Variants in XPO7 observed in about 807,000 individuals in gnomAD.
XPO7 encodes the protein exportin-7.
XPO7 carries 21 observed loss-of-function variants against 144.3 expected under a neutral mutation model. The ratio of observed to expected loss-of-function variants is 0.15; its 90% CI spans 0.10 to 0.21. The LOEUF (loss-of-function observed/expected upper bound fraction) is 0.21. XPO7 is among the 10% of genes least tolerant of loss of function. The pLI, the probability that XPO7 is intolerant of heterozygous loss-of-function variation, is 1.00. For missense variants in XPO7, 808 were observed against 1,325.8 expected, an observed-to-expected ratio of 0.61 and a Z score of 6.06; for synonymous variants, 580 against 499.6, an observed-to-expected ratio of 1.16 and a Z score of -2.15.
chr8:21,924,120 G>A (rs1358584756), intron 1 of XPO7, among the ~76,000 whole-genome samples: 1 of 152,086 alleles, frequency 6.6e-6, no homozygotes, highest in Non-Finnish European at 1.5e-5. Flanking sequence ...ACACACAGCG[G>A]GCCTGGTCAG....
chr8:21,959,292 A>G (rs1403055999), intron 1 of XPO7, among the ~76,000 whole-genome samples: 1 of 152,230 alleles, frequency 6.6e-6, no homozygotes, highest in Non-Finnish European at 1.5e-5. Flanking sequence ...GCTATTCTCC[A>G]GAGTTTTTGG....
chr8:21,921,726 T>C (rs1810294984), intron 1 of XPO7: 1 of 152,244 alleles, frequency 6.6e-6, no homozygotes, highest in South Asian at 2.1e-4. Flanking sequence ...GGGAGCATGT[T>C]GATCAGTGTT....
At chr8:21,952,369 T>G (rs1811401104) in intron 1 of XPO7, among the ~76,000 whole-genome samples, 1 of 152,094 alleles carries the variant, frequency 6.6e-6, no homozygotes, top group Non-Finnish European at 1.5e-5. Context: ...AGAGAAAATG[T>G]TTTCAACTGT....
intron 24 of XPO7, among the ~76,000 whole-genome samples, chr8:22,000,052 T>C (rs1813087113): frequency 6.6e-6 from 1 of 152,144 alleles, no homozygotes; most frequent in Non-Finnish European, 1.5e-5. Context: ...CCTAGACTCT[T>C]GGTTGTGAGG....
Position 21,989,028 on chromosome 8 carries a change from C to T in XPO7, c.1813C>T (p.Arg605Cys), listed in dbSNP as rs773235175. ...CATCACCAACTTGAAGTACTGGGGC[C>T]GTTGTGAACCAATCACCTCCAAGAC... Reference protein sequence around the residue: ...KIITNLKYWGRCEPITSKTLQ... With the variant: ...KIITNLKYWGCCEPITSKTLQ... Residue 605 changes from arginine (R) to cysteine (C), a missense_variant, in exon 16 of 28, where the codon CGT becomes TGT. Physicochemically the swap from Arg to Cys is radical, Grantham distance 180. Around this residue, in one of 5 missense-constraint regions of XPO7, gnomAD observed 416 missense variants for 612.5 expected, o/e 0.68. Coordinates refer to ENST00000252512, the MANE Select transcript of XPO7 (RefSeq NM_015024.5). 2.5e-6 allele frequency: 4 copies of T among 1,613,614 alleles called. No individual in the cohort carries two copies. The highest frequency in any genetic ancestry group is 2.7e-5 in the African/African-American group (2 of 74,968).
intron 19 of XPO7, among the ~76,000 whole-genome samples, chr8:21,994,034 T>C (rs1202210578): frequency 2.0e-5 from 3 of 151,068 alleles, no homozygotes; most frequent in African/African-American, 7.3e-5. Context: ...ACATGTGATG[T>C]ATTACTTCAA....
chr8:21,972,797 C>G (rs1812109797), intron 5 of XPO7, among the ~76,000 whole-genome samples: 1 of 152,158 alleles, frequency 6.6e-6, no homozygotes, highest in Non-Finnish European at 1.5e-5. Flanking sequence ...GCTCATAATT[C>G]TGCAGACATT....
Position 21,995,532 on chromosome 8 carries a change from C to T in XPO7, c.2278C>T (p.Leu760Phe), listed in dbSNP as rs1158437045. The part of the protein sequence containing the change: ...YMPILQRAIE[L>F]WYHDPACTTP... ...GCCAATTCTCCAACGGGCAATTGAG[C>T]TCTGGTACCATGATCCAGCCTGTAC... Residue 760 changes from leucine to phenylalanine, a missense_variant, in exon 21 of 28, where the codon CTC (leucine) becomes TTC (phenylalanine). Physicochemically the swap from Leu to Phe is conservative, Grantham distance 22. Around this residue, in one of 5 missense-constraint regions of XPO7, gnomAD observed 416 missense variants for 612.5 expected, o/e 0.68. Coordinates refer to ENST00000252512, the MANE Select transcript of XPO7 (RefSeq NM_015024.5). The T allele has an allele frequency of 6.2e-7, 1 of 1,610,388 alleles. No homozygotes were observed. The highest frequency in any genetic ancestry group is 8.5e-7 in the Non-Finnish European group (1 of 1,178,230).
chr8:21,943,413 A>C (rs1811058416), intron 1 of XPO7, among the ~76,000 whole-genome samples: 1 of 152,168 alleles, frequency 6.6e-6, no homozygotes, highest in African/African-American at 2.4e-5. Context: ...AAAATATTCT[A>C]ATTCACATCA....
At chr8:21,988,583 G>C (rs1415919383) in intron 15 of XPO7, 1 of 175,230 alleles carries the variant, frequency 5.7e-6, no homozygotes, top group South Asian at 1.3e-4. Context: ...AAAGCAAAGG[G>C]GGTCTAAAGG....
At chr8:21,967,914 G>A (rs981748245) in intron 2 of XPO7, among the ~76,000 whole-genome samples, 4 of 152,100 alleles carry the variant, frequency 2.6e-5, no homozygotes, top group Admixed American at 2.6e-4. Flanking sequence ...ATCCCCCCAG[G>A]GTCCCATGAA....
At chr8:21,945,982 C>G (rs1353557504) in intron 1 of XPO7, among the ~76,000 whole-genome samples, 3 of 152,198 alleles carry the variant, frequency 2.0e-5, no homozygotes, top group Non-Finnish European at 4.4e-5. Flanking sequence ...AAAGCTGAGA[C>G]TTCAGGATCC....
chr8:21,927,457 A>C (rs777848591), intron 1 of XPO7, among the ~76,000 whole-genome samples: 1 of 151,860 alleles, frequency 6.6e-6, no homozygotes, highest in Non-Finnish European at 1.5e-5. Context: ...GGTTACTGTT[A>C]ATGTACCCTA....
At chr8:21,981,146 C>T (rs1441744911) in intron 9 of XPO7, among the ~76,000 whole-genome samples, 1 of 152,098 alleles carries the variant, frequency 6.6e-6, no homozygotes, top group Admixed American at 6.6e-5. Flanking sequence ...CAGAAGAAGA[C>T]ATATCAGGAA....
intron 1 of XPO7, among the ~76,000 whole-genome samples, chr8:21,940,861 T>A (rs1417942000): frequency 1.3e-5 from 2 of 152,082 alleles, no homozygotes; most frequent in Non-Finnish European, 2.9e-5. Context: ...CTCAGTCTGA[T>A]CCAATCTCTG....
At chr8:21,920,420 C>T (rs1810238842) in intron 1 of XPO7, among the ~76,000 whole-genome samples, 1 of 152,124 alleles carries the variant, frequency 6.6e-6, no homozygotes, top group African/African-American at 2.4e-5. Flanking sequence ...CCTCGGCCCG[C>T]CTCCCCTCGC....
chr8:21,948,776 A>G (rs1286091213), intron 1 of XPO7, among the ~76,000 whole-genome samples: 1 of 152,180 alleles, frequency 6.6e-6, no homozygotes, highest in Non-Finnish European at 1.5e-5. Context: ...CTATGCCAGA[A>G]TCTTCCTGAA....
At chr8:21,997,143 G>C (rs1812978538) in intron 21 of XPO7, among the ~76,000 whole-genome samples, 1 of 152,206 alleles carries the variant, frequency 6.6e-6, no homozygotes, top group South Asian at 2.1e-4. Flanking sequence ...TATGGAGTGG[G>C]TAATATTTAA....
chr8:21,946,605 T>C (rs1177169466), intron 1 of XPO7, among the ~76,000 whole-genome samples: 2 of 140,346 alleles, frequency 1.4e-5, no homozygotes, highest in African/African-American at 2.6e-5. Flanking sequence ...AAAACATGAA[T>C]CTAAGTTAAA....
Sources: gnomAD v4.1 joint callset for allele counts (sites outside exome capture counted in the v4.1 genomes callset) on GRCh38, gnomAD v4.1.1 for gene constraint, gnomAD v4.1.1 regional missense constraint, MANE v1.5 for transcripts, NCBI Gene and HGNC (gene_info 2026-07-23, HGNC 2026-07-21) for gene names.